Variants in NEGR1 observed in about 807,000 individuals in gnomAD.
NEGR1 encodes the protein IgLON family member 4.
NEGR1 carries 10 observed loss-of-function variants against 40.9 expected under a neutral mutation model. The ratio of observed to expected loss-of-function variants is 0.24; its 90% CI spans 0.15 to 0.42. The LOEUF (loss-of-function observed/expected upper bound fraction) is 0.42, where lower values mean the gene tolerates loss of function less well. NEGR1 is among the 10% of genes least tolerant of loss of function. NEGR1 has a pLI of 1.00. For missense variants in NEGR1, 352 were observed against 438.9 expected (o/e 0.80, Z 1.77); for synonymous variants, 185 against 166.8 (o/e 1.11, Z -0.84).
At chr1:71,743,046 C>T (rs546320277) in intron 3 of NEGR1, among the ~76,000 whole-genome samples, 17 of 152,214 alleles carry the variant, frequency 1.1e-4, no homozygotes, top group South Asian at 2.1e-4. Context: ...GAAGATAAGA[C>T]GACATCCATC....
At chr1:71,923,503 C>T (rs1026582252) in intron 2 of NEGR1, among the ~76,000 whole-genome samples, 4 of 152,016 alleles carry the variant, frequency 2.6e-5, no homozygotes, top group South Asian at 2.1e-4. Flanking sequence ...TGAATGTGCA[C>T]GGGGAGTGTA....
At chr1:71,514,749 G>T (rs1209751192) in intron 6 of NEGR1, among the ~76,000 whole-genome samples, 8 of 47,460 alleles carry the variant, frequency 1.7e-4, no homozygotes, top group Non-Finnish European at 2.6e-4. Flanking sequence ...GCTGAGAGAA[G>T]AAGGCTTCAG....
At chr1:72,217,281 A>G (rs1263029115) in intron 1 of NEGR1, among the ~76,000 whole-genome samples, 5 of 151,496 alleles carry the variant, frequency 3.3e-5, no homozygotes, top group African/African-American at 4.9e-5. Flanking sequence ...GAAAATAAAC[A>G]TTTTAAACCC....
At chr1:71,944,249 A>C (rs890617512) in intron 1 of NEGR1, among the ~76,000 whole-genome samples, 9 of 152,146 alleles carry the variant, frequency 5.9e-5, no homozygotes, top group African/African-American at 2.2e-4. Flanking sequence ...AGGAGATACA[A>C]AGATAATGAA....
At chr1:72,097,613 G>C (rs1648751605) in intron 1 of NEGR1, among the ~76,000 whole-genome samples, 1 of 152,156 alleles carries the variant, frequency 6.6e-6, no homozygotes, top group South Asian at 2.1e-4. Flanking sequence ...ATTTTAGACT[G>C]TTTTCTTCTG....
At chr1:71,479,990 T>G (rs1007248009) in intron 6 of NEGR1, among the ~76,000 whole-genome samples, 1 of 151,970 alleles carries the variant, frequency 6.6e-6, no homozygotes, top group Non-Finnish European at 1.5e-5. Context: ...GAAATTTTCA[T>G]GGGAGGGCTC....
intron 1 of NEGR1, among the ~76,000 whole-genome samples, chr1:72,005,884 T>C (rs1259858412): frequency 2.0e-5 from 3 of 152,162 alleles, no homozygotes; most frequent in African/African-American, 7.2e-5. Flanking sequence ...TCCTCACATA[T>C]TAATAATGTA....
At chr1:72,175,194 T>C (rs1652123163) in intron 1 of NEGR1, among the ~76,000 whole-genome samples, 1 of 152,000 alleles carries the variant, frequency 6.6e-6, no homozygotes, top group African/African-American at 2.4e-5. Context: ...ATCTTGCAAA[T>C]TATAAAGTTC....
chr1:71,902,970 C>T (rs998026750), intron 2 of NEGR1, among the ~76,000 whole-genome samples: 1 of 151,890 alleles, frequency 6.6e-6, no homozygotes, highest in Middle Eastern at 3.4e-3. Flanking sequence ...AAACATGAGA[C>T]TAGAATATGC....
chr1:71,607,389 T>C (rs929995302), intron 5 of NEGR1, among the ~76,000 whole-genome samples: 1 of 152,196 alleles, frequency 6.6e-6, no homozygotes, highest in African/African-American at 2.4e-5. Context: ...TTAGTTTTGA[T>C]AGACTCTTAA....
intron 1 of NEGR1, among the ~76,000 whole-genome samples, chr1:72,040,078 C>T (rs1180066991): frequency 6.6e-6 from 1 of 151,916 alleles, no homozygotes; most frequent in East Asian, 1.9e-4. Context: ...ATTATCCTTC[C>T]TGAAAAATTA....
chr1:71,491,144 T>C (rs992957889), intron 6 of NEGR1, among the ~76,000 whole-genome samples: 2 of 152,054 alleles, frequency 1.3e-5, no homozygotes, highest in African/African-American at 4.8e-5. Flanking sequence ...ACTAAACATG[T>C]AGACATTTTT....
intron 4 of NEGR1, among the ~76,000 whole-genome samples, chr1:71,648,312 T>C (rs2101579822): frequency 6.6e-6 from 1 of 152,080 alleles, no homozygotes; most frequent in Non-Finnish European, 1.5e-5. Flanking sequence ...TTTTAAAGAC[T>C]AGCATGGCCC....
chr1:71,791,770 T>C (rs908920602), intron 2 of NEGR1, among the ~76,000 whole-genome samples: 13 of 152,006 alleles, frequency 8.6e-5, no homozygotes, highest in African/African-American at 2.9e-4. Context: ...ATCACGGTAC[T>C]TTAGGTGAGA....
intron 1 of NEGR1, among the ~76,000 whole-genome samples, chr1:72,231,229 C>T (rs1654353252): frequency 6.6e-6 from 1 of 152,174 alleles, no homozygotes; most frequent in Non-Finnish European, 1.5e-5. Flanking sequence ...AGCTTCTTTG[C>T]CACAACACTT....
Position 71,712,881 on chromosome 1 carries a change from C to T in NEGR1, c.536-14742G>A, listed in dbSNP as rs148627549. Among the ~76,000 whole-genome samples, 589 of 152,204 alleles carry T rather than the reference C, an allele frequency of 3.9e-3. 10 individuals are homozygous for T. Among genetic ancestry groups the T allele is most frequent in the Non-Finnish European group, 9.6e-4 (65 of 68,014 alleles). On this transcript the variant is annotated intron_variant, in intron 3 of 6. Coordinates refer to ENST00000357731, the MANE Select transcript of NEGR1 (RefSeq NM_173808.3). ...CTTAACTCTCTCTCTCTCTCTCCTGCCACCATGTGAAGATGTGCTGCTTCC... is the reference window on the plus strand; with the variant it reads ...CTTAACTCTCTCTCTCTCTCTCCTGTCACCATGTGAAGATGTGCTGCTTCC...
intron 2 of NEGR1, among the ~76,000 whole-genome samples, chr1:71,873,328 G>A (rs959697585): frequency 1.3e-5 from 2 of 151,886 alleles, no homozygotes; most frequent in African/African-American, 4.8e-5. Context: ...GTTTTGCAGT[G>A]TGAAGTAGCT....
rs35770023 is a variant in NEGR1, at chr1:71,567,835, G to GTT, written c.940+24980_940+24981dup. The stretch of plus-strand genomic sequence containing the variant: ...GTGGAGCTGTCATCAATGAGATTTT[G>GTT]TTTTTTTTTTTATAAGATAGACCCC... On this transcript the variant is annotated intron_variant, in intron 6 of 6. Transcript: ENST00000357731. Among the ~76,000 whole-genome samples the GTT allele has an allele frequency of 4.1e-3, 608 of 148,510 alleles. 3 individuals carry two copies. The highest frequency in any genetic ancestry group is 0.012 in the African/African-American group (474 of 40,490).
intron 4 of NEGR1, among the ~76,000 whole-genome samples, chr1:71,664,136 T>C (rs1286586265): frequency 6.6e-6 from 1 of 152,188 alleles, no homozygotes; most frequent in African/African-American, 2.4e-5. Flanking sequence ...TATTCACATA[T>C]GGCAGTTTCA....
Sources: allele counts gnomAD v4.1 joint callset (sites outside exome capture counted in the v4.1 genomes callset), GRCh38; gene constraint gnomAD v4.1.1; transcripts MANE v1.5; gene names NCBI Gene and HGNC (gene_info 2026-07-23, HGNC 2026-07-21).